PCDHGC4: variants seen among roughly 807,000 people sequenced by gnomAD.
PCDHGC4 encodes the protein protocadherin gamma subfamily C, 4.
In PCDHGC4, 15 loss-of-function variants were observed where a neutral mutation model predicts 59.7. The observed-to-expected ratio is 0.25, with a 90% confidence interval of 0.17 to 0.39. PCDHGC4 has a LOEUF of 0.39. Among genes scored for constraint, PCDHGC4 ranks in the 10% least tolerant of loss-of-function variants. The pLI, the probability that PCDHGC4 is intolerant of heterozygous loss-of-function variation, is 1.00. For missense variants in PCDHGC4, 1,016 were observed against 1,189.5 expected (o/e 0.85, Z 2.15); for synonymous variants, 434 against 481.4 (o/e 0.90, Z 1.29).
Position 141,491,885 on chromosome 5 carries a change from G to T in PCDHGC4, c.2443-2922G>T. On this transcript the variant is annotated intron_variant, in intron 1 of 3. Transcript: ENST00000306593. The surrounding 1 kb of genome is among the most constrained non-coding windows in gnomAD (Gnocchi z 6.9). ...ACCAGAGTGGCCGATTAAGGGATGG[G>T]GCTCCGAGCACCGGGGGTGGTGGCG... The T allele has an allele frequency of 6.9e-7, 1 of 1,445,748 alleles. No homozygotes were observed. Among genetic ancestry groups the T allele is most frequent in the Non-Finnish European group, 9.1e-7 (1 of 1,093,758 alleles). The allele number at this position is 1,445,748 out of a possible 1,614,324, so 89.6% of individuals were successfully genotyped here. A position where few individuals can be genotyped will look rare whatever the true frequency, so the allele number is the denominator to read the frequency against.
chr5:141,508,737 C>A (rs919094477), intron 3 of PCDHGC4, among the ~76,000 whole-genome samples: 8 of 152,010 alleles, frequency 5.3e-5, no homozygotes, highest in Non-Finnish European at 1.2e-4. Flanking sequence ...CTACACCCCC[C>A]ACCCCGCTCT....
chr5:141,501,478 T>A (rs536337246), intron 2 of PCDHGC4, among the ~76,000 whole-genome samples: 5 of 151,890 alleles, frequency 3.3e-5, no homozygotes, highest in Non-Finnish European at 7.4e-5. Flanking sequence ...CCTGGAAGAG[T>A]CCCTCATATC....
chr5:141,489,257 T>C lies in PCDHGC4; in HGVS notation c.2442+1642T>C, dbSNP rs2099684606. 5.8e-6 allele frequency: 9 copies of C among 1,550,190 alleles called. No homozygotes were observed. The highest frequency in any genetic ancestry group is 1.4e-5 in the African/African-American group (1 of 73,054). On this transcript the variant is annotated intron_variant, in intron 1 of 3. Transcript: ENST00000306593. This position sits in a 1 kb window ranked among gnomAD's most constrained non-coding sequence, Gnocchi z 4.5. Reference sequence around the variant, plus strand: ...TTCTGGGTCATGGGGCCCAAGACACTCCCACAGCTCGCTGGGAAATGGCAA... The same window carrying C: ...TTCTGGGTCATGGGGCCCAAGACACCCCCACAGCTCGCTGGGAAATGGCAA...
chr5:141,486,598 C>T lies in PCDHGC4; in HGVS notation c.1425C>T (p.Cys475=). 2 of 1,613,604 alleles carry T rather than the reference C, an allele frequency of 1.2e-6. No homozygotes were observed. Among genetic ancestry groups the T allele is most frequent in the Non-Finnish European group, 1.7e-6 (2 of 1,179,998 alleles). ...PENNRPGDLL[C]SLAASDPDSG... ...ACAATCGCCCAGGGGACCTGCTTTG[C>T]TCCCTTGCAGCCTCTGACCCAGACT... The change falls in exon 1 of 4, where the codon TGC becomes TGT. Residue 475 remains cysteine, a synonymous_variant. Transcript: ENST00000306593. The surrounding 1 kb of genome is among the most constrained non-coding windows in gnomAD (Gnocchi z 5.0).
intron 2 of PCDHGC4, among the ~76,000 whole-genome samples, chr5:141,499,772 C>T (rs1217675128): frequency 1.0e-4 from 15 of 147,946 alleles, no homozygotes; most frequent in Admixed American, 9.0e-4. Context: ...CTGCAGCCTT[C>T]GCCTCCCGGG....
intron 2 of PCDHGC4, among the ~76,000 whole-genome samples, chr5:141,502,947 G>A (rs933409229): frequency 3.0e-4 from 45 of 151,030 alleles, no homozygotes; most frequent in Admixed American, 1.8e-3. Context: ...GGGTTCAAGC[G>A]ATTCTCCTGC....
chr5:141,486,284 C>G lies in PCDHGC4; in HGVS notation c.1111C>G (p.Leu371Val), dbSNP rs1259853159. ...TGCAGAACCTGGCACTGTGGTGGCA[C>G]TTATCAGTGTGCAGGATCCAGACTC... ...ESAEPGTVVA[L>V]ISVQDPDSGS... The change falls in exon 1 of 4, where the codon CTT becomes GTT. Residue 371 changes from leucine to valine, a missense_variant. Transcript: ENST00000306593. This position sits in a 1 kb window ranked among gnomAD's most constrained non-coding sequence, Gnocchi z 5.0. The G allele has an allele frequency of 6.2e-7, 1 of 1,614,050 alleles. No homozygotes were observed. The highest frequency in any genetic ancestry group is 8.5e-7 in the Non-Finnish European group (1 of 1,179,988).
At position 141,485,443 on chromosome 5, in the gene PCDHGC4, C is replaced by A. The variant is rs2099613637; in HGVS notation, c.270C>A (p.Ile90=). 5 of 1,614,054 alleles carry A rather than the reference C, an allele frequency of 3.1e-6. No individual in the cohort carries two copies. The East Asian group carries it at 6.7e-5, about 22-fold the overall frequency. ...DSGALLIKNP[I]DREALCGLSA... ...GAGCCCTGCTCATCAAGAACCCAAT[C>A]GACCGAGAGGCACTGTGTGGGCTCA... Residue 90 remains isoleucine (I), a synonymous_variant, in exon 1 of 4, where the codon ATC becomes ATA. Coordinates refer to ENST00000306593, the MANE Select transcript of PCDHGC4 (RefSeq NM_018928.3). This position sits in a 1 kb window ranked among gnomAD's most constrained non-coding sequence, Gnocchi z 5.7.
Position 141,511,565 on chromosome 5 carries a change from AG to A in PCDHGC4, c.*393del, listed in dbSNP as rs2099883852. 6.8e-6 allele frequency: 2 copies of A among 296,092 alleles called. No homozygotes were observed. Among genetic ancestry groups the A allele is most frequent in the South Asian group, 7.4e-5 (2 of 26,988 alleles). The allele number at this position is 296,092 out of a possible 1,614,324, so 18.3% of individuals were successfully genotyped here. On this transcript the variant is annotated 3_prime_UTR_variant, in exon 4 of 4. Transcript: ENST00000306593. ...CCACTCCAACAGTTCCTCTTTCCCG[AG>A]TAAGGTGGTTGGGGTGTTGAAGTAC...
rs764957747 is a variant in PCDHGC4, at chr5:141,505,453, G to A, written c.2562G>A (p.Leu854=). Residue 854 remains leucine (L), a synonymous_variant, in exon 3 of 4, where the codon CTG becomes CTA. Coordinates refer to ENST00000306593, the MANE Select transcript of PCDHGC4 (RefSeq NM_018928.3). ...ACAACCAGTTTGACACAGAGATGCT[G>A]CAAGCCATGATCTTGGCGTCCGCCA... ...WPNNQFDTEM[L]QAMILASASE... 3 of 1,614,190 alleles carry A rather than the reference G, an allele frequency of 1.9e-6. No individual in the cohort carries two copies. Among genetic ancestry groups the A allele is most frequent in the Non-Finnish European group, 2.5e-6 (3 of 1,180,012 alleles).
In PCDHGC4 at chr5:141,491,721, C is replaced by T. The variant is rs761584159; in HGVS notation, c.2443-3086C>T. On this transcript the variant is annotated intron_variant, in intron 1 of 3. Transcript: ENST00000306593. The surrounding 1 kb of genome is among the most constrained non-coding windows in gnomAD (Gnocchi z 6.9). The stretch of plus-strand genomic sequence containing the variant: ...GCCAGGTGAGGGGCTCGGCGCCGCC[C>T]CGGGCGACCCCTGGGGGCGGCACTG... 3 of 1,607,250 alleles carry T rather than the reference C, an allele frequency of 1.9e-6. No homozygotes were observed. Among genetic ancestry groups the T allele is most frequent in the Admixed American group, 1.7e-5 (1 of 58,860 alleles).
chr5:141,491,602 A>T lies in PCDHGC4; in HGVS notation c.2443-3205A>T. On this transcript the variant is annotated intron_variant, in intron 1 of 3. Transcript: ENST00000306593. The surrounding 1 kb of genome is among the most constrained non-coding windows in gnomAD (Gnocchi z 6.9). ...ACCGGCCTCGGACGGCAGTGACTTC[A>T]CTTTTCTAAGACCCCTCAGCGTTCA... is the stretch of plus-strand genomic sequence containing the variant. The T allele has an allele frequency of 6.2e-7, 1 of 1,613,838 alleles. No individual in the cohort carries two copies. Among genetic ancestry groups the T allele is most frequent in the Non-Finnish European group, 8.5e-7 (1 of 1,180,016 alleles).
chr5:141,495,424 A>C (rs927637242), intron 2 of PCDHGC4, among the ~76,000 whole-genome samples: 1 of 152,088 alleles, frequency 6.6e-6, no homozygotes, highest in African/African-American at 2.4e-5. Context: ...CCCTCCTCCC[A>C]CTGTCCTCTG....
chr5:141,490,923 C>T lies in PCDHGC4; in HGVS notation c.2442+3308C>T. The T allele has an allele frequency of 6.2e-7, 1 of 1,613,668 alleles. No homozygotes were observed. Among genetic ancestry groups the T allele is most frequent in the South Asian group, 1.1e-5 (1 of 91,050 alleles). On this transcript the variant is annotated intron_variant, in intron 1 of 3. Coordinates refer to ENST00000306593, the MANE Select transcript of PCDHGC4 (RefSeq NM_018928.3). The surrounding 1 kb of genome is among the most constrained non-coding windows in gnomAD (Gnocchi z 5.4). ...TTGTCCTAGACGAGAATGATAATGC[C>T]CCAGCTGTGCTGCACCCACGGCCAG...
At chr5:141,492,449 T>C (rs1045043841) in intron 1 of PCDHGC4, among the ~76,000 whole-genome samples, 50 of 152,314 alleles carry the variant, frequency 3.3e-4, no homozygotes, top group African/African-American at 1.2e-3. Flanking sequence ...TAGCTGATTG[T>C]GCGCGCCTGA....
chr5:141,498,880 C>G (rs1334510457), intron 2 of PCDHGC4, among the ~76,000 whole-genome samples: 1 of 150,028 alleles, frequency 6.7e-6, no homozygotes, highest in African/African-American at 2.4e-5. Flanking sequence ...TTGCAGTGAG[C>G]TGAGATCACA....
chr5:141,487,824 C>A lies in PCDHGC4; in HGVS notation c.2442+209C>A. The stretch of plus-strand genomic sequence containing the variant: ...TCACAGTTTAGCATTGGGGGCGGGT[C>A]ATGCCTATATCTGAGTAAGAAATGA... On this transcript the variant is annotated intron_variant, in intron 1 of 3. Coordinates refer to ENST00000306593, the MANE Select transcript of PCDHGC4 (RefSeq NM_018928.3). This position sits in a 1 kb window ranked among gnomAD's most constrained non-coding sequence, Gnocchi z 5.0. 2 of 1,247,252 alleles carry A rather than the reference C, an allele frequency of 1.6e-6. No individual in the cohort carries two copies. The highest frequency in any genetic ancestry group is 2.9e-5 in the South Asian group (2 of 68,154). The allele number at this position is 1,247,252 out of a possible 1,614,324, so 77.3% of individuals were successfully genotyped here. A position where few individuals can be genotyped will look rare whatever the true frequency, so the allele number is the denominator to read the frequency against.
chr5:141,500,501 G>T (rs571735791), intron 2 of PCDHGC4, among the ~76,000 whole-genome samples: 6 of 152,176 alleles, frequency 3.9e-5, no homozygotes, highest in Non-Finnish European at 8.8e-5. Context: ...GAGCCACCGC[G>T]CCTGGCCGAG....
intron 2 of PCDHGC4, among the ~76,000 whole-genome samples, chr5:141,501,223 T>G (rs1247662371): frequency 6.6e-6 from 1 of 151,280 alleles, no homozygotes; most frequent in African/African-American, 2.4e-5. Flanking sequence ...CTTCCTAGAT[T>G]TCTCAGTTTT....
Sources: gnomAD v4.1 joint callset for allele counts (sites outside exome capture counted in the v4.1 genomes callset) on GRCh38, gnomAD v4.1.1 for gene constraint, Gnocchi (gnomAD v3.1) non-coding constraint, MANE v1.5 for transcripts, NCBI Gene and HGNC (gene_info 2026-07-23, HGNC 2026-07-21) for gene names.